The following SYCE2 variants were observed in gnomAD, a reference collection of about 807,000 sequenced individuals.
SYCE2 encodes central element synaptonemal complex 1.
SYCE2 carries 3 observed loss-of-function variants against 27.9 expected under a neutral mutation model. The observed-to-expected ratio is 0.11, with a 90% confidence interval of 0.05 to 0.28. The LOEUF (loss-of-function observed/expected upper bound fraction) is 0.28. SYCE2 is among the 10% of genes least tolerant of loss of function. The pLI is 1.00. For missense variants in SYCE2, 207 were observed against 263.5 expected (o/e 0.79, Z 1.48); for synonymous variants, 85 against 100.7 (o/e 0.84, Z 0.93).
intron 2 of SYCE2, among the ~76,000 whole-genome samples, chr19:12,912,435 A>G (rs757602378): frequency 6.7e-6 from 1 of 148,370 alleles, no homozygotes; most frequent in Admixed American, 6.6e-5. Flanking sequence ...TATGAACATC[A>G]GTCCCCTCCA....
intron 2 of SYCE2, among the ~76,000 whole-genome samples, chr19:12,908,150 A>T (rs934501815): frequency 6.6e-6 from 1 of 152,040 alleles, no homozygotes; most frequent in African/African-American, 2.4e-5. Context: ...CAAACAAACA[A>T]ACAAAACAAC....
intron 2 of SYCE2, among the ~76,000 whole-genome samples, chr19:12,909,715 T>C (rs901542852): frequency 5.9e-5 from 9 of 151,480 alleles, no homozygotes. Context: ...TACAGGCATG[T>C]ACCACCACAC....
intron 1 of SYCE2, 36 bp from the exon 2 acceptor site, chr19:12,918,373 G>A: frequency 6.3e-7 from 1 of 1,591,046 alleles, no homozygotes; most frequent in Non-Finnish European, 8.6e-7. Context: ...CAAGGAGGGA[G>A]GATGAGGAGT....
At chr19:12,913,293 TAAGCG>T (rs1971079695) in intron 2 of SYCE2, among the ~76,000 whole-genome samples, 1 of 152,242 alleles carries the variant, frequency 6.6e-6, no homozygotes, top group Non-Finnish European at 1.5e-5. Context: ...GAAATGGGTC[TAAGCG>T]AAGAGACCAT....
In SYCE2 at chr19:12,904,622, T is replaced by C. The variant is rs1970899902; in HGVS notation, c.176A>G (p.Tyr59Cys). The C allele has an allele frequency of 1.2e-6, 2 of 1,613,768 alleles. No homozygotes were observed. The highest frequency in any genetic ancestry group is 1.1e-5 in the South Asian group (1 of 91,070). The change falls in exon 3 of 6, where the codon TAC (tyrosine) becomes TGC (cysteine). Residue 59 changes from tyrosine to cysteine, a missense_variant. Coordinates refer to ENST00000293695, the MANE Select transcript of SYCE2 (RefSeq NM_001105578.2). ...AATGCTTGAGTCCAGAGAGGAGAAG[T>C]AGAGTCCCGACTTCCCTTCCAGGAC... ...LTVLEGKSGL[Y>C]FSSLDSSIDI...
Position 12,918,324 on chromosome 19 carries a change from T to C in SYCE2, c.29A>G (p.His10Arg). The change falls in exon 2 of 6, where the codon CAT (histidine) becomes CGT (arginine). Residue 10 changes from histidine (H) to arginine (R), a missense_variant. Coordinates refer to ENST00000293695, the MANE Select transcript of SYCE2 (RefSeq NM_001105578.2). Reference protein sequence around the residue: MERQGVDVPHVKCKDQEPQP... With the variant: MERQGVDVPRVKCKDQEPQP... ...CGGTTCCTGGTCTTTGCATTTCACA[T>C]GGGGCACGTCCACCTGCAAGCACAG... 1 of 1,614,090 alleles carries C rather than the reference T, an allele frequency of 6.2e-7. No homozygotes were observed. The highest frequency in any genetic ancestry group is 8.5e-7 in the Non-Finnish European group (1 of 1,179,990).
At chr19:12,910,967 G>A (rs146907115) in intron 2 of SYCE2, among the ~76,000 whole-genome samples, 19 of 151,992 alleles carry the variant, frequency 1.3e-4, no homozygotes, top group Non-Finnish European at 2.4e-4. Flanking sequence ...GTGAGCCACC[G>A]CACCCGGCCT....
intron 3 of SYCE2, among the ~76,000 whole-genome samples, chr19:12,903,935 C>T (rs1054673984): frequency 6.6e-6 from 1 of 152,178 alleles, no homozygotes; most frequent in Admixed American, 6.5e-5. Flanking sequence ...CAGGTGCAAC[C>T]ATTCATGTAG....
In SYCE2 at chr19:12,916,088, G is replaced by A. The variant is rs913423542; in HGVS notation, c.131+2134C>T. 2.2e-5 allele frequency among the ~76,000 whole-genome samples: 3 copies of A among 139,502 alleles called. No homozygotes were observed. The East Asian group carries it at 6.2e-4, about 29-fold the overall frequency. The allele number at this position is 139,502 out of a possible 152,430, so 91.5% of individuals were successfully genotyped here. On this transcript the variant is annotated intron_variant, in intron 2 of 5. Coordinates refer to ENST00000293695, the MANE Select transcript of SYCE2 (RefSeq NM_001105578.2). ...AGCCTTTTTTTTTTTTTTTTTCCTC[G>A]AGACAGGGTCTCACTCTGTCACCCA...
intron 2 of SYCE2, among the ~76,000 whole-genome samples, chr19:12,910,441 C>T (rs1971024319): frequency 6.6e-6 from 1 of 151,800 alleles, no homozygotes; most frequent in Non-Finnish European, 1.5e-5. Context: ...GGTGCAATCT[C>T]AGCTCACTGC....
intron 2 of SYCE2, among the ~76,000 whole-genome samples, chr19:12,909,073 A>C (rs1224089896): frequency 2.0e-5 from 3 of 152,202 alleles, no homozygotes; most frequent in Non-Finnish European, 4.4e-5. Context: ...TGGCTGGATT[A>C]GGTGCACACA....
Position 12,917,078 on chromosome 19 carries a change from T to C in SYCE2, c.131+1144A>G, listed in dbSNP as rs1971151296. ...ACTATATATATACTTTTTTTTTTTT[T>C]TTTTGAGACAGAGTCTTGCTCTGTC... On this transcript the variant is annotated intron_variant, in intron 2 of 5. Transcript: ENST00000293695. Among the ~76,000 whole-genome samples the C allele has an allele frequency of 2.0e-5, 3 of 149,886 alleles. No homozygotes were observed. In the South Asian group the frequency reaches 6.3e-4, roughly 31 times the overall value.
intron 2 of SYCE2, among the ~76,000 whole-genome samples, chr19:12,905,476 C>T (rs1357858508): frequency 5.3e-5 from 8 of 151,692 alleles, no homozygotes; most frequent in Non-Finnish European, 1.0e-4. Flanking sequence ...GGACTACAGG[C>T]GCCCGCCACC....
intron 4 of SYCE2, 121 bp downstream of exon 4, chr19:12,900,339 G>A: frequency 3.4e-6 from 4 of 1,184,616 alleles, no homozygotes; most frequent in Non-Finnish European, 4.7e-6. Context: ...CAAGGGCTTT[G>A]CAGGGACTGT....
intron 3 of SYCE2, among the ~76,000 whole-genome samples, chr19:12,902,971 T>C (rs970781411): frequency 3.4e-5 from 5 of 147,940 alleles, no homozygotes; most frequent in Non-Finnish European, 7.4e-5. Context: ...TTTTTTTTTT[T>C]CGAGACAGCC....
At chr19:12,901,596 A>ATT (rs1970840295) in intron 3 of SYCE2, among the ~76,000 whole-genome samples, 1 of 151,942 alleles carries the variant, frequency 6.6e-6, no homozygotes, top group Non-Finnish European at 1.5e-5. Flanking sequence ...GATTGCCTAT[A>ATT]TTTTAAATTT....
chr19:12,915,417 G>A (rs945677964), intron 2 of SYCE2, among the ~76,000 whole-genome samples: 1 of 147,962 alleles, frequency 6.8e-6, no homozygotes, highest in African/African-American at 2.5e-5. Context: ...TGGCTAACAC[G>A]GTGAAACCCC....
At position 12,899,395 on chromosome 19, in the gene SYCE2, C is replaced by G; in HGVS notation, c.613-10G>C. On this transcript the variant is annotated splice_polypyrimidine_tract_variant and intron_variant, in intron 5 of 5. Transcript: ENST00000293695. ...CTTCTGAAGCAGTGGCCTGGGGATA[C>G]ATGAAAATTGATTTTAAAGGGAAGT... 1 of 1,614,074 alleles carries G rather than the reference C, an allele frequency of 6.2e-7. No homozygotes were observed. The highest frequency in any genetic ancestry group is 8.5e-7 in the Non-Finnish European group (1 of 1,179,992).
chr19:12,901,481 A>G (rs1490757000), intron 3 of SYCE2, among the ~76,000 whole-genome samples: 1 of 152,030 alleles, frequency 6.6e-6, no homozygotes, highest in Non-Finnish European at 1.5e-5. Flanking sequence ...TGGAGGCTAC[A>G]GTGAGTCATG....
Sources: gnomAD v4.1 joint callset for allele counts (sites outside exome capture counted in the v4.1 genomes callset) on GRCh38, gnomAD v4.1.1 for gene constraint, MANE v1.5 for transcripts, NCBI Gene and HGNC (gene_info 2026-07-23, HGNC 2026-07-21) for gene names.